Variants in DACH2 observed in about 807,000 individuals in gnomAD.
The protein encoded by DACH2 is dachshund family transcription factor 2, also known as dachshund homolog 2.
In DACH2, 17 loss-of-function variants were observed where a neutral mutation model predicts 35.8. The observed-to-expected ratio is 0.48, with a 90% confidence interval of 0.33 to 0.71. The LOEUF (loss-of-function observed/expected upper bound fraction) is 0.71, where lower values mean the gene tolerates loss of function less well. Ranked by LOEUF, DACH2 falls within the 30% of genes least tolerant of loss-of-function variation. The probability of loss-of-function intolerance (pLI) is 0.02; values close to 1 mark genes in which losing one functional copy is unlikely to be tolerated. For missense variants in DACH2, 469 were observed against 472.7 expected, an observed-to-expected ratio of 0.99 and a Z score of 0.07; for synonymous variants, 195 against 177.3, an observed-to-expected ratio of 1.10 and a Z score of -0.79.
In DACH2 at chrX:86,580,320, CACA is replaced by C. The variant is rs1447644356; in HGVS notation, c.640+65933_640+65935del. Among the ~76,000 whole-genome samples, 12 of 111,681 alleles carry C rather than the reference CACA, an allele frequency of 1.1e-4. No homozygotes were observed. The East Asian group carries it at 2.8e-3, about 26-fold the overall frequency. On this transcript the variant is annotated intron_variant, in intron 3 of 11. Transcript: ENST00000373125. ...CAAGAAATCTGGCAACTTGAAAAGC[CACA>C]ACATCTTCTCACCTCTAAATGACTG... is the stretch of plus-strand genomic sequence containing the variant.
At chrX:86,250,729 G>T (rs1448135706) in intron 1 of DACH2, among the ~76,000 whole-genome samples, 2 of 110,895 alleles carry the variant, frequency 1.8e-5, no homozygotes, top group African/African-American at 6.5e-5. Flanking sequence ...CATTCATTTG[G>T]TTTTTAAGTT....
intron 7 of DACH2, among the ~76,000 whole-genome samples, chrX:86,747,467 C>A (rs764382047): frequency 9.0e-6 from 1 of 111,048 alleles, no homozygotes; most frequent in South Asian, 3.8e-4. Context: ...GGTTCCAGAC[C>A]ACCACGATAA....
At chrX:86,157,327 G>A (rs1044530800) in intron 1 of DACH2, among the ~76,000 whole-genome samples, 1 of 111,686 alleles carries the variant, frequency 9.0e-6, no homozygotes. Context: ...GCTAGTAACA[G>A]CATTTGGGCT....
rs541400936 is a variant in DACH2 at position 86,536,528 on chromosome X, C to T, written c.640+22137C>T. On this transcript the variant is annotated intron_variant, in intron 3 of 11. Transcript: ENST00000373125. The stretch of plus-strand genomic sequence containing the variant: ...TTTCTCTGGAGCCTGATATCTGGAG[C>T]CTTCATCTACATGATAAAAACCTTG... Among the ~76,000 whole-genome samples, 38 of 111,363 alleles carry T rather than the reference C, an allele frequency of 3.4e-4. No homozygotes were observed. The South Asian group carries it at 0.014, about 40-fold the overall frequency.
rs148669614 is a variant in DACH2 at position 86,148,964 on chromosome X, G to A, written c.344G>A (p.Arg115Lys). ...GLHTVYTKLK[R>K]LDISPVVCTV... The stretch of plus-strand genomic sequence containing the variant: ...CACACTGTGTACACCAAGCTGAAGA[G>A]ACTGGATATATCCCCCGTGGTGTGT... Residue 115 changes from arginine (R) to lysine (K), a missense_variant, in exon 1 of 12, where the codon AGA (arginine) becomes AAA (lysine). Physicochemically the swap from Arg to Lys is conservative, Grantham distance 26. This residue lies in a region of DACH2 where 99 missense variants were observed against 114.3 expected (regional missense o/e 0.87). Transcript: ENST00000373125. 1.7e-6 allele frequency: 2 copies of A among 1,211,408 alleles called. No individual in the cohort carries two copies. Among genetic ancestry groups the A allele is most frequent in the South Asian group, 3.5e-5 (2 of 56,919 alleles).
At chrX:86,583,264 A>T (rs183277972) in intron 3 of DACH2, among the ~76,000 whole-genome samples, 13 of 111,175 alleles carry the variant, frequency 1.2e-4, no homozygotes, top group Admixed American at 4.8e-4. Flanking sequence ...TATACTGAAC[A>T]TGAAAAAACT....
chrX:86,690,452 T>G (rs1166752819), intron 4 of DACH2, among the ~76,000 whole-genome samples: 1 of 111,547 alleles, frequency 9.0e-6, no homozygotes, highest in Non-Finnish European at 1.9e-5. Context: ...AGTTATTATT[T>G]TTAACTAAGT....
At chrX:86,293,555 C>A (rs1393003638) in intron 1 of DACH2, among the ~76,000 whole-genome samples, 1 of 110,257 alleles carries the variant, frequency 9.1e-6, no homozygotes, top group Non-Finnish European at 1.9e-5. Context: ...TTGGCAGCGG[C>A]TGGTACCGGT....
intron 2 of DACH2, among the ~76,000 whole-genome samples, chrX:86,476,544 TGTTA>T (rs907243079): frequency 2.7e-5 from 3 of 111,781 alleles, no homozygotes; most frequent in African/African-American, 9.7e-5. Context: ...CTCTTTTTTT[TGTTA>T]GTTAGTTTGG....
chrX:86,603,979 G>A (rs2039824975), intron 3 of DACH2, among the ~76,000 whole-genome samples: 1 of 110,642 alleles, frequency 9.0e-6, no homozygotes, highest in South Asian at 3.8e-4. Flanking sequence ...TCAGTTTCTA[G>A]TTTCCTTAAA....
At chrX:86,501,342 ACT>A (rs1365507272) in intron 2 of DACH2, among the ~76,000 whole-genome samples, 2 of 111,372 alleles carry the variant, frequency 1.8e-5, no homozygotes, top group Non-Finnish European at 3.8e-5. Context: ...AAGAGTTTAC[ACT>A]CTTTCATGGC....
chrX:86,478,542 C>CTTTTTTTTTTTTTTTTTTTTTTTTTTTTT (rs767463672), intron 2 of DACH2, among the ~76,000 whole-genome samples: 2 of 86,947 alleles, frequency 2.3e-5, no homozygotes, highest in Non-Finnish European at 4.6e-5. Context: ...TTTTGTTTTT[C>CTTTTTTTTTTTTTTTTTTTTTTTTTTTTT]TTTTTTTTTT....
intron 2 of DACH2, among the ~76,000 whole-genome samples, chrX:86,482,740 G>C (rs2037956749): frequency 9.1e-6 from 1 of 109,481 alleles, no homozygotes; most frequent in African/African-American, 3.3e-5. Flanking sequence ...TAACTGGTGT[G>C]AGATGGTATC....
chrX:86,546,497 TTC>T (rs1459062989), intron 3 of DACH2, among the ~76,000 whole-genome samples: 97 of 68,193 alleles, frequency 1.4e-3, no homozygotes, highest in African/African-American at 8.4e-3. Context: ...CTTCTTCTTC[TTC>T]TTTCTTTTTT....
At chrX:86,765,550 A>G (rs1047244755) in intron 7 of DACH2, among the ~76,000 whole-genome samples, 2 of 109,875 alleles carry the variant, frequency 1.8e-5, no homozygotes, top group African/African-American at 6.6e-5. Context: ...GGAGACGTGA[A>G]GCATTATTTC....
intron 7 of DACH2, among the ~76,000 whole-genome samples, chrX:86,741,995 A>T (rs1427468141): frequency 9.0e-6 from 1 of 111,175 alleles, no homozygotes; most frequent in Non-Finnish European, 1.9e-5. Flanking sequence ...AAATATATTT[A>T]TGATATAATA....
intron 5 of DACH2, among the ~76,000 whole-genome samples, chrX:86,699,794 G>T (rs954630335): frequency 9.0e-6 from 1 of 111,418 alleles, no homozygotes; most frequent in Non-Finnish European, 1.9e-5. Flanking sequence ...TGTGAGATTA[G>T]GTTGTTAATT....
intron 2 of DACH2, among the ~76,000 whole-genome samples, chrX:86,499,137 A>G (rs1256724300): frequency 1.8e-5 from 2 of 112,441 alleles, no homozygotes; most frequent in Non-Finnish European, 3.8e-5. Context: ...TATAAAAACA[A>G]CTTTGGATTT....
At position 86,832,541 on chromosome X, in the gene DACH2, C is replaced by T. The variant is rs1373592831; in HGVS notation, c.*386C>T. 7.9e-6 allele frequency: 1 copy of T among 126,227 alleles called. No homozygotes were observed. The highest frequency in any genetic ancestry group is 3.2e-5 in the African/African-American group (1 of 31,396). The allele number at this position is 126,227 out of a possible 1,213,427, so 10.4% of individuals were successfully genotyped here. On this transcript the variant is annotated 3_prime_UTR_variant, in exon 12 of 12. Transcript: ENST00000373125. ...TTCTACTATACATAACGTTAAAGTA[C>T]ACCTTCTTTGTTAAAAATGTACTTG...
Sources: allele counts gnomAD v4.1 joint callset (sites outside exome capture counted in the v4.1 genomes callset), GRCh38; gene constraint gnomAD v4.1.1; regional missense constraint gnomAD v4.1.1; transcripts MANE v1.5; gene names NCBI Gene and HGNC (gene_info 2026-07-23, HGNC 2026-07-21).